The following STAT5B variants were observed in gnomAD, a reference collection of about 807,000 sequenced individuals.
STAT5B encodes the protein transcription factor STAT5B.
A neutral mutation model predicts 107.8 loss-of-function variants in STAT5B; 21 were observed. The ratio of observed to expected loss-of-function variants is 0.19; its 90% confidence interval spans 0.14 to 0.28. The LOEUF (loss-of-function observed/expected upper bound fraction) is 0.28, where lower values mean the gene tolerates loss of function less well. Ranked by LOEUF, STAT5B falls within the 10% of genes least tolerant of loss-of-function variation. STAT5B has a pLI of 1.00. For synonymous variants in STAT5B, 325 were observed against 401.7 expected (o/e 0.81, Z 2.28); for missense variants, 565 against 1,008.2 (o/e 0.56, Z 5.95).
chr17:42,216,123 G>A lies in STAT5B; in HGVS notation c.1381-17C>T. The A allele has an allele frequency of 6.2e-7, 1 of 1,608,698 alleles. No homozygotes were observed. Among genetic ancestry groups the A allele is most frequent in the Non-Finnish European group, 8.5e-7 (1 of 1,177,584 alleles). On this transcript the variant is annotated splice_polypyrimidine_tract_variant and intron_variant, in intron 11 of 18. Transcript: ENST00000293328. ...GGACAGGGTCTAAAAAGACACAAGA[G>A]AAGGCTGAGCGCCCACGAGCCTCAA...
intron 1 of STAT5B, among the ~76,000 whole-genome samples, chr17:42,256,379 C>A (rs9893794): frequency 0.36 from 54,270 of 151,762 alleles, 10,907 homozygotes; most frequent in African/African-American, 0.54. Flanking sequence ...CTGCACCCAG[C>A]CCCCTCTCTT....
At chr17:42,280,621 G>A (rs1255865073), upstream of STAT5B, among the ~76,000 whole-genome samples, 1 of 152,180 alleles carries the variant, frequency 6.6e-6, no homozygotes, top group Non-Finnish European at 1.5e-5. Context: ...TCCATAGGGG[G>A]ATAGGTCAGT....
chr17:42,232,934 C>A (rs1260531750), intron 1 of STAT5B, among the ~76,000 whole-genome samples: 1 of 151,266 alleles, frequency 6.6e-6, no homozygotes, highest in Non-Finnish European at 1.5e-5. Context: ...CTCTGCCTCC[C>A]GGGTTCAAGC....
intron 1 of STAT5B, among the ~76,000 whole-genome samples, chr17:42,259,170 C>A (rs947639077): frequency 7.9e-5 from 12 of 152,072 alleles, no homozygotes; most frequent in African/African-American, 2.7e-4. Flanking sequence ...TATTTTTATT[C>A]AGAATTTTGT....
intron 1 of STAT5B, among the ~76,000 whole-genome samples, chr17:42,243,123 T>G (rs979244637): frequency 1.1e-4 from 15 of 139,986 alleles, no homozygotes; most frequent in African/African-American, 3.6e-4. Context: ...AATGATCAAT[T>G]AAAAAAAAAA....
chr17:42,265,377 C>CTT (rs371149930), intron 1 of STAT5B, among the ~76,000 whole-genome samples: 1 of 110,594 alleles, frequency 9.0e-6, no homozygotes, highest in South Asian at 3.4e-4. Context: ...ATGTACTCTT[C>CTT]TTTTTTTTTT....
At chr17:42,226,011 T>G (rs530228690) in intron 3 of STAT5B, among the ~76,000 whole-genome samples, 47 of 152,328 alleles carry the variant, frequency 3.1e-4, no homozygotes, top group African/African-American at 9.9e-4. Flanking sequence ...CTCGGCTCAC[T>G]GCAACCTCTG....
intron 1 of STAT5B, among the ~76,000 whole-genome samples, chr17:42,274,395 A>T (rs569912233): frequency 1.8e-4 from 28 of 152,210 alleles, no homozygotes; most frequent in African/African-American, 6.0e-4. Context: ...TCTCCTAGAT[A>T]ACGCGCTTAC....
At chr17:42,218,933 C>T (rs1567659741) in intron 7 of STAT5B, 55 bp from the exon 8 acceptor site, 9 of 1,613,506 alleles carry the variant, frequency 5.6e-6, no homozygotes, top group Non-Finnish European at 6.8e-6. Flanking sequence ...GCACAGACGC[C>T]AGGCCCCAAG....
chr17:42,245,141 G>A (rs1356816342), intron 1 of STAT5B, among the ~76,000 whole-genome samples: 2 of 147,010 alleles, frequency 1.4e-5, no homozygotes, highest in Non-Finnish European at 3.0e-5. Context: ...GCAGTGGCGC[G>A]ATCTCGGCTC....
chr17:42,253,916 A>G (rs1282410139), intron 1 of STAT5B, among the ~76,000 whole-genome samples: 4 of 152,184 alleles, frequency 2.6e-5, no homozygotes, highest in African/African-American at 9.7e-5. Context: ...ACATTGTAAA[A>G]ATAAATTTTA....
rs2080762461 is a variant in STAT5B, at chr17:42,276,057, C to A, written c.-11+191G>T. Among the ~76,000 whole-genome samples, 1 of 151,318 alleles carries A rather than the reference C, an allele frequency of 6.6e-6. No individual in the cohort carries two copies. Among genetic ancestry groups the A allele is most frequent in the South Asian group, 2.1e-4 (1 of 4,814 alleles). On this transcript the variant is annotated intron_variant, in intron 1 of 18. Coordinates refer to ENST00000293328, the MANE Select transcript of STAT5B (RefSeq NM_012448.4). The surrounding 1 kb of genome is among the most constrained non-coding windows in gnomAD (Gnocchi z 4.8). ...CACCCCGCATTGCCCTCAGCCTCCC[C>A]GGCAGCCAACCCGGACCCCCTCTCC...
chr17:42,222,047 CTG>C (rs1218114509), intron 5 of STAT5B, among the ~76,000 whole-genome samples: 3 of 109,312 alleles, frequency 2.7e-5, no homozygotes, highest in South Asian at 5.7e-4. Context: ...TGTGTGTGTG[CTG>C]TGTGTCTGTG....
intron 1 of STAT5B, among the ~76,000 whole-genome samples, chr17:42,259,432 G>C (rs540311260): frequency 2.0e-5 from 3 of 152,268 alleles, no homozygotes; most frequent in East Asian, 3.9e-4. Context: ...TGGGTGTCTG[G>C]GTGTGTCTTG....
intron 1 of STAT5B, among the ~76,000 whole-genome samples, chr17:42,232,891 G>C (rs2080328552): frequency 6.7e-6 from 1 of 150,126 alleles, no homozygotes; most frequent in Non-Finnish European, 1.5e-5. Flanking sequence ...GCCCAGACTG[G>C]AGGGCAGTGG....
chr17:42,235,076 A>C (rs1393681332), intron 1 of STAT5B: 2 of 152,230 alleles, frequency 1.3e-5, no homozygotes, highest in Non-Finnish European at 2.9e-5. Context: ...AGGTGAATTG[A>C]CTTCAGAGAC....
At position 42,201,498 on chromosome 17, in the gene STAT5B, GGAGA is replaced by G. The variant is rs1441033025; in HGVS notation, c.*236_*239del. On this transcript the variant is annotated 3_prime_UTR_variant, in exon 19 of 19. Coordinates refer to ENST00000293328, the MANE Select transcript of STAT5B (RefSeq NM_012448.4). ...CAACTAAACTCTCAGACAGTGAGAGGGAGAAACACCATAACGTGCAAACACGCAC... is the reference window on the plus strand; with the variant it reads ...CAACTAAACTCTCAGACAGTGAGAGGAACACCATAACGTGCAAACACGCAC... 10 of 622,886 alleles carry G rather than the reference GGAGA, an allele frequency of 1.6e-5. No individual in the cohort carries two copies. Among genetic ancestry groups the G allele is most frequent in the Middle Eastern group, 8.4e-4 (2 of 2,378 alleles). 38.6% of individuals were successfully genotyped at this position (622,886 alleles called of 1,614,324 possible).
Position 42,200,805 on chromosome 17 carries a change from G to C in STAT5B, c.*933C>G, listed in dbSNP as rs1036210238. ...ATCAATAAGCCTGAAGAAGGCCACGGACTGTGCATCCGCTGGCTCAGAGAA... is the reference window on the plus strand; with the variant it reads ...ATCAATAAGCCTGAAGAAGGCCACGCACTGTGCATCCGCTGGCTCAGAGAA... On this transcript the variant is annotated 3_prime_UTR_variant, in exon 19 of 19. Transcript: ENST00000293328. 1 of 357,294 alleles carries C rather than the reference G, an allele frequency of 2.8e-6. No individual in the cohort carries two copies. The highest frequency in any genetic ancestry group is 5.0e-6 in the Non-Finnish European group (1 of 200,292). The allele number at this position is 357,294 out of a possible 1,614,324, so 22.1% of individuals were successfully genotyped here. A position where few individuals can be genotyped will look rare whatever the true frequency, so the allele number is the denominator to read the frequency against.
intron 1 of STAT5B, among the ~76,000 whole-genome samples, chr17:42,247,845 TG>T (rs888154889): frequency 6.6e-6 from 1 of 150,520 alleles, no homozygotes; most frequent in Admixed American, 6.6e-5. Flanking sequence ...CTTAGTTACT[TG>T]GGAGGATGAG....
Sources: gnomAD v4.1 joint callset for allele counts (sites outside exome capture counted in the v4.1 genomes callset) on GRCh38, gnomAD v4.1.1 for gene constraint, Gnocchi (gnomAD v3.1) non-coding constraint, MANE v1.5 for transcripts, NCBI Gene and HGNC (gene_info 2026-07-23, HGNC 2026-07-21) for gene names.